The following KRT7 variants were observed in gnomAD, a reference collection of about 807,000 sequenced individuals.
KRT7 encodes keratin, type II cytoskeletal 7.
A neutral mutation model predicts 42.8 loss-of-function variants in KRT7; 50 were observed. The ratio of observed to expected loss-of-function variants is 1.17; its 90% CI spans 0.93 to 1.48. KRT7 has a LOEUF of 1.48. Among genes scored for constraint, KRT7 ranks in the 40% most tolerant of loss-of-function variants. KRT7 has a pLI of 0.00. For missense variants in KRT7, 588 were observed against 637.6 expected, an observed-to-expected ratio of 0.92 and a Z score of 0.84; for synonymous variants, 268 against 266.3, an observed-to-expected ratio of 1.01 and a Z score of -0.06.
At position 52,245,051 on chromosome 12, in the gene KRT7, G is replaced by A. The variant is rs1942147927; in HGVS notation, c.985-361G>A. The A allele has an allele frequency of 2.4e-5, 7 of 288,012 alleles. No homozygotes were observed. The South Asian group carries it at 4.2e-4, about 17-fold the overall frequency. The allele number at this position is 288,012 out of a possible 1,614,324, so 17.8% of individuals were successfully genotyped here. A position where few individuals can be genotyped will look rare whatever the true frequency, so the allele number is the denominator to read the frequency against. ...AATCATAATAGCATTCATTAAAAAT[G>A]ATCACAATAGCATTTATTAAGCACT... is the stretch of plus-strand genomic sequence containing the variant. On this transcript the variant is annotated intron_variant, in intron 6 of 8. Coordinates refer to ENST00000331817, the MANE Select transcript of KRT7 (RefSeq NM_005556.4).
At chr12:52,243,265 C>A in intron 6 of KRT7, 128 bp downstream of exon 6, 1 of 1,114,558 alleles carries the variant, frequency 9.0e-7, no homozygotes, top group Non-Finnish European at 1.3e-6. Context: ...TGTCTCAGAC[C>A]CCCTTGTGAG....
Position 52,235,316 on chromosome 12 carries a change from G to T in KRT7, c.486G>T (p.Leu162=). Residue 162 remains leucine (L), a synonymous_variant, in exon 2 of 9, where the codon CTG becomes CTT. Transcript: ENST00000331817. ...LEALQVDGGR[L]EAELRSMQDV... is the part of the protein sequence containing the mutation. ...CACTGCAGGTGGATGGGGGCCGCCTGGAGGCGGAGCTGCGGAGCATGCAGG... is the reference window on the plus strand; with the variant it reads ...CACTGCAGGTGGATGGGGGCCGCCTTGAGGCGGAGCTGCGGAGCATGCAGG... The T allele has an allele frequency of 6.2e-7, 1 of 1,613,898 alleles. No individual in the cohort carries two copies. The highest frequency in any genetic ancestry group is 8.5e-7 in the Non-Finnish European group (1 of 1,179,956).
chr12:52,250,316 T>G, downstream of KRT7: 4 of 322,928 alleles, frequency 1.2e-5, no homozygotes, highest in South Asian at 8.0e-5. Context: ...CGGGCGGGGA[T>G]GCGAGACAGG....
At chr12:52,250,763 G>A (rs1018540888), downstream of KRT7, 24 of 411,488 alleles carry the variant, frequency 5.8e-5, no homozygotes, top group Non-Finnish European at 1.1e-4. Flanking sequence ...CCTTCCTGCA[G>A]TCTTAGCCTC....
At chr12:52,255,840 A>G (rs529401535), downstream of KRT7, among the ~76,000 whole-genome samples, 39 of 152,378 alleles carry the variant, frequency 2.6e-4, no homozygotes, top group African/African-American at 2.9e-4. Context: ...TGAAATAAAC[A>G]TAATGATGAA....
intron 7 of KRT7, 66 bp from the exon 8 acceptor site, chr12:52,248,111 G>A: frequency 6.9e-7 from 1 of 1,448,400 alleles, no homozygotes; most frequent in African/African-American, 1.4e-5. Flanking sequence ...GAAGGAGAGA[G>A]GGCTGAGAGC....
downstream of KRT7, chr12:52,252,479 G>A (rs746888839): frequency 9.9e-6 from 16 of 1,613,948 alleles, no homozygotes; most frequent in African/African-American, 1.3e-5. Context: ...CCAGCTTGGA[G>A]TTCTGGGAGG....
downstream of KRT7, chr12:52,255,389 TA>T (rs1332587257): frequency 2.0e-5 from 9 of 456,666 alleles, no homozygotes; most frequent in South Asian, 9.3e-5. Context: ...CAGTGGCCCT[TA>T]GTGCCACCTC....
At chr12:52,253,121 C>T (rs562518671), downstream of KRT7, 4 of 1,205,568 alleles carry the variant, frequency 3.3e-6, no homozygotes, top group East Asian at 9.4e-5. Context: ...GCCCTTGTCC[C>T]CACACACTGG....
In KRT7 at chr12:52,248,748, T is replaced by C; in HGVS notation, c.1398T>C (p.Ser466=). ...GGACCGCATCCGCCAGTCGCAGGAG[T>C]GCCCGCGACTGAGCCGCCTCCCACC... ...SIRTASASRR[S]ARD Residue 466 remains serine (S), a synonymous_variant, in exon 9 of 9, where the codon AGT becomes AGC. Transcript: ENST00000331817. 6.4e-7 allele frequency: 1 copy of C among 1,568,220 alleles called. No homozygotes were observed.
At chr12:52,250,204 C>T (rs1228742488), downstream of KRT7, among the ~76,000 whole-genome samples, 1 of 152,238 alleles carries the variant, frequency 6.6e-6, no homozygotes, top group South Asian at 2.1e-4. Flanking sequence ...GCCTCCGGAC[C>T]GGGGTCTTTA....
At chr12:52,253,209 A>G (rs746514883), downstream of KRT7, 79 of 1,604,774 alleles carry the variant, frequency 4.9e-5, no homozygotes, top group Admixed American at 1.8e-4. Flanking sequence ...CTGGGCTCCC[A>G]TACCTGGCAC....
chr12:52,250,818 GA>G (rs2121124564), downstream of KRT7, among the ~76,000 whole-genome samples: 7 of 152,332 alleles, frequency 4.6e-5, no homozygotes, highest in South Asian at 1.0e-3. Flanking sequence ...TCTATAGGCA[GA>G]CATAGCCATG....
intron 1 of KRT7, 84 bp downstream of exon 1, chr12:52,233,704 C>A: frequency 1.4e-6 from 2 of 1,400,054 alleles, no homozygotes; most frequent in Non-Finnish European, 2.0e-6. Flanking sequence ...TGCGCGCGGG[C>A]CAGGCGCTGG....
downstream of KRT7, among the ~76,000 whole-genome samples, chr12:52,255,162 A>C (rs1942320470): frequency 6.6e-6 from 1 of 152,228 alleles, no homozygotes; most frequent in Non-Finnish European, 1.5e-5. Context: ...CCCAGGGAGC[A>C]CTGGAGCACT....
At chr12:52,244,420 A>C in intron 6 of KRT7, 1 of 985,730 alleles carries the variant, frequency 1.0e-6, no homozygotes, top group Non-Finnish European at 1.2e-6. Context: ...GAGGGGCGTC[A>C]TGGGGAGCTA....
In KRT7 at chr12:52,248,649, G is replaced by A. The variant is rs1223541520; in HGVS notation, c.1299G>A (p.Gly433=). Residue 433 remains glycine, a synonymous_variant, in exon 9 of 9, where the codon GGG becomes GGA. Transcript: ENST00000331817. Reference sequence around the variant, plus strand: ...GCGGTGGCATTGGGCTGACCCTCGGGGGAACCATGGGCAGCAATGCCCTGA... The same window carrying A: ...GCGGTGGCATTGGGCTGACCCTCGGAGGAACCATGGGCAGCAATGCCCTGA... ...SSGGGIGLTL[G]GTMGSNALSF... is the part of the protein sequence containing the mutation. 6.2e-7 allele frequency: 1 copy of A among 1,612,518 alleles called. No individual in the cohort carries two copies. The highest frequency in any genetic ancestry group is 1.1e-5 in the South Asian group (1 of 90,910).
In KRT7 at chr12:52,236,478, G is replaced by T. The variant is rs1942014196; in HGVS notation, c.537-1031G>T. On this transcript the variant is annotated intron_variant, in intron 2 of 8. Coordinates refer to ENST00000331817, the MANE Select transcript of KRT7 (RefSeq NM_005556.4). ...AGTCCAGGGAAGGAGTACAGGGAGG[G>T]TCCCTGTGTGCAGCTGCTCAGGGAG... Among the ~76,000 whole-genome samples, 6 of 152,148 alleles carry T rather than the reference G, an allele frequency of 3.9e-5. 1 individual carries two copies. The highest frequency in any genetic ancestry group is 3.9e-4 in the Admixed American group (6 of 15,278).
chr12:52,235,031 C>T, intron 1 of KRT7, 124 bp from the exon 2 acceptor site: 1 of 869,028 alleles, frequency 1.2e-6, no homozygotes, highest in South Asian at 1.6e-5. Context: ...GCTGGAAGCC[C>T]CAGGCAGGGA....
Sources: gnomAD v4.1 joint callset for allele counts (sites outside exome capture counted in the v4.1 genomes callset) on GRCh38, gnomAD v4.1.1 for gene constraint, MANE v1.5 for transcripts, NCBI Gene and HGNC (gene_info 2026-07-23, HGNC 2026-07-21) for gene names.